The following NT5DC3 variants were observed in gnomAD, a reference collection of about 807,000 sequenced individuals.
NT5DC3 encodes 5'-nucleotidase domain containing 3.
In NT5DC3, 42 loss-of-function variants were observed where a neutral mutation model predicts 67.8. The observed-to-expected ratio is 0.62, with a 90% CI of 0.48 to 0.80. The LOEUF (loss-of-function observed/expected upper bound fraction) is 0.80, where lower values mean the gene tolerates loss of function less well. Among genes scored for constraint, NT5DC3 ranks in the 30% least tolerant of loss-of-function variants. The pLI, the probability that NT5DC3 is intolerant of heterozygous loss-of-function variation, is 0.00. For missense variants in NT5DC3, 570 were observed against 696.4 expected, an observed-to-expected ratio of 0.82 and a Z score of 2.04; for synonymous variants, 237 against 255.6, an observed-to-expected ratio of 0.93 and a Z score of 0.69.
rs187697615 is a variant in NT5DC3 at position 103,778,629 on chromosome 12, A to T, written c.1395-548T>A. 2.8e-3 allele frequency among the ~76,000 whole-genome samples: 429 copies of T among 152,152 alleles called. 2 individuals are homozygous for T. The highest frequency in any genetic ancestry group is 0.01 in the African/African-American group (417 of 41,488). On this transcript the variant is annotated intron_variant, in intron 13 of 13. Coordinates refer to ENST00000392876, the MANE Select transcript of NT5DC3 (RefSeq NM_001031701.3). The stretch of plus-strand genomic sequence containing the variant: ...CCACCAGCATGGGCAACATAGTGAG[A>T]CCTTGTCTCTACAAAAATGCAAAAA...
At chr12:103,753,346 C>A in the NT5DC3 span, 4 of 1,614,226 alleles carry the variant, frequency 2.5e-6, 1 homozygote, top group South Asian at 4.4e-5. Context: ...CTCTCCTATG[C>A]CCAGAAGGTG....
chr12:103,753,474 T>C, the NT5DC3 span: 1 of 1,338,516 alleles, frequency 7.5e-7, no homozygotes, highest in African/African-American at 1.5e-5. Flanking sequence ...AGGTAGCTCC[T>C]GGAACAATGC....
intron 9 of NT5DC3, among the ~76,000 whole-genome samples, 182 bp downstream of exon 9, chr12:103,792,982 C>T (rs534816112): frequency 6.6e-6 from 1 of 152,326 alleles, no homozygotes; most frequent in African/African-American, 2.4e-5. Context: ...TCAATGCATG[C>T]AAACTGTCTG....
chr12:103,747,474 G>C, the NT5DC3 span, among the ~76,000 whole-genome samples: 2 of 152,144 alleles, frequency 1.3e-5, no homozygotes, highest in Non-Finnish European at 2.9e-5. Context: ...CCTCACCTGA[G>C]GTGGCCAATA....
the NT5DC3 span, among the ~76,000 whole-genome samples, chr12:103,764,789 C>T: frequency 2.6e-5 from 4 of 152,076 alleles, no homozygotes; most frequent in Non-Finnish European, 5.9e-5. Flanking sequence ...GTAAAGGCTT[C>T]TGGTTCACAT....
At chr12:103,810,993 T>G (rs12229276) in intron 2 of NT5DC3, among the ~76,000 whole-genome samples, 44,477 of 152,046 alleles carry the variant, frequency 0.29, 7,084 homozygotes, top group East Asian at 0.59. Flanking sequence ...CACAAAACAC[T>G]ATGCTAGAGT....
At chr12:103,810,995 T>C (rs1887004413) in intron 2 of NT5DC3, among the ~76,000 whole-genome samples, 1 of 152,176 alleles carries the variant, frequency 6.6e-6, no homozygotes, top group African/African-American at 2.4e-5. Flanking sequence ...CAAAACACTA[T>C]GCTAGAGTAA....
At chr12:103,781,175 G>A (rs1455178369) in intron 12 of NT5DC3, among the ~76,000 whole-genome samples, 1 of 152,170 alleles carries the variant, frequency 6.6e-6, no homozygotes, top group Admixed American at 6.5e-5. Flanking sequence ...AGAATCCAAG[G>A]TGCACATGAT....
chr12:103,804,008 TTGGGCAAGTTACTTAACACCTC>T (rs1886695700), intron 4 of NT5DC3, among the ~76,000 whole-genome samples: 2 of 152,132 alleles, frequency 1.3e-5, no homozygotes, highest in Non-Finnish European at 2.9e-5. Flanking sequence ...CTGTGTGACC[TTGGGCAAGTTACTTAACACCTC>T]TGGCACTAAT....
Position 103,777,563 on chromosome 12 carries a change from G to A in NT5DC3, c.*266C>T, listed in dbSNP as rs1885383025. The A allele has an allele frequency of 2.1e-6, 1 of 487,326 alleles. No homozygotes were observed. Among genetic ancestry groups the A allele is most frequent in the South Asian group, 3.3e-5 (1 of 30,418 alleles). The allele number at this position is 487,326 out of a possible 1,614,324, so 30.2% of individuals were successfully genotyped here. The stretch of plus-strand genomic sequence containing the variant: ...TCTCACCTATCCCAGGAAACCTGAT[G>A]TTCCAGGACCTCAGTAAACAAAAAG... On this transcript the variant is annotated 3_prime_UTR_variant, in exon 14 of 14. Coordinates refer to ENST00000392876, the MANE Select transcript of NT5DC3 (RefSeq NM_001031701.3).
chr12:103,766,159 A>C (rs1312194630), downstream of NT5DC3: 1 of 1,288,168 alleles, frequency 7.8e-7, no homozygotes, highest in Non-Finnish European at 1.1e-6. Context: ...ACAAACAAAC[A>C]CGCCCAGCAC....
At position 103,804,360 on chromosome 12, in the gene NT5DC3, G is replaced by A. The variant is rs905747673; in HGVS notation, c.524+1962C>T. 9.2e-5 allele frequency among the ~76,000 whole-genome samples: 14 copies of A among 152,276 alleles called. 1 individual carries two copies. The highest frequency in any genetic ancestry group is 2.0e-4 in the Admixed American group (3 of 15,306). ...AAGGGGTATACCCATGACAAGAACT[G>A]ATTCCCCACCACAAGCTGCAGAAAG... On this transcript the variant is annotated intron_variant, in intron 4 of 13. Coordinates refer to ENST00000392876, the MANE Select transcript of NT5DC3 (RefSeq NM_001031701.3).
intron 9 of NT5DC3, among the ~76,000 whole-genome samples, chr12:103,792,053 A>G (rs547406814): frequency 2.6e-5 from 4 of 152,274 alleles, no homozygotes; most frequent in Middle Eastern, 6.8e-3. Context: ...ATCACCCCAG[A>G]GTTTAGTGCT....
chr12:103,791,270 C>T (rs1886047093), intron 9 of NT5DC3, among the ~76,000 whole-genome samples: 1 of 152,064 alleles, frequency 6.6e-6, no homozygotes, highest in East Asian at 1.9e-4. Flanking sequence ...CATAACAAAG[C>T]AGAGGAGCTC....
chr12:103,794,083 T>A, intron 6 of NT5DC3, 86 bp from the exon 7 acceptor site: 1 of 1,014,006 alleles, frequency 9.9e-7, no homozygotes, highest in Non-Finnish European at 1.6e-6. Context: ...TCATGGTAAC[T>A]TCTGTCCCTA....
chr12:103,756,150 CT>C, the NT5DC3 span, among the ~76,000 whole-genome samples: 2 of 152,180 alleles, frequency 1.3e-5, no homozygotes, highest in Non-Finnish European at 2.9e-5. Context: ...TTAGCTAAGC[CT>C]GCCTGGTGAT....
chr12:103,761,342 G>C, the NT5DC3 span: 39 of 1,613,932 alleles, frequency 2.4e-5, no homozygotes, highest in Admixed American at 6.5e-4. Flanking sequence ...TCTGCAGTGG[G>C]ACATCTTTGC....
the NT5DC3 span, among the ~76,000 whole-genome samples, chr12:103,761,964 A>G: frequency 6.6e-6 from 1 of 152,216 alleles, no homozygotes; most frequent in African/African-American, 2.4e-5. Context: ...CAGAAGCTCC[A>G]AAGCCAGACT....
At chr12:103,762,679 G>A in the NT5DC3 span, among the ~76,000 whole-genome samples, 9,540 of 152,216 alleles carry the variant, frequency 0.063, 1,014 homozygotes, top group African/African-American at 0.22. Flanking sequence ...CAGGGGTTTG[G>A]CCTGGAGGCA....
Sources: allele counts gnomAD v4.1 joint callset (sites outside exome capture counted in the v4.1 genomes callset), GRCh38; gene constraint gnomAD v4.1.1; transcripts MANE v1.5; gene names NCBI Gene and HGNC (gene_info 2026-07-23, HGNC 2026-07-21).